Variants in PANK1 observed in about 807,000 individuals in gnomAD.
PANK1 encodes the protein pantothenic acid kinase 1.
PANK1 carries 18 observed loss-of-function variants against 40.1 expected under a neutral mutation model. That is an observed-to-expected ratio of 0.45 (90% CI 0.31 to 0.67). PANK1 has a LOEUF of 0.67. Ranked by LOEUF, PANK1 falls within the 30% of genes least tolerant of loss-of-function variation. PANK1 has a pLI of 0.06. For missense variants in PANK1, 457 were observed against 599.6 expected (o/e 0.76, Z 2.48); for synonymous variants, 242 against 237.7 (o/e 1.02, Z -0.17).
At chr10:89,587,738 G>T (rs1844246394) in intron 6 of PANK1, among the ~76,000 whole-genome samples, 1 of 152,088 alleles carries the variant, frequency 6.6e-6, no homozygotes, top group South Asian at 2.1e-4. Flanking sequence ...ATAATAAAAT[G>T]GTTGAAGAAA....
At chr10:89,619,272 G>T (rs1187060488) in intron 1 of PANK1, among the ~76,000 whole-genome samples, 6 of 152,092 alleles carry the variant, frequency 3.9e-5, no homozygotes, top group East Asian at 1.9e-4. Flanking sequence ...TTTCTTGAAG[G>T]CTTTTTCAGA....
intron 5 of PANK1, among the ~76,000 whole-genome samples, chr10:89,590,297 A>T (rs1844341056): frequency 6.6e-6 from 1 of 152,162 alleles, no homozygotes; most frequent in Non-Finnish European, 1.5e-5. Context: ...TAAATCAACA[A>T]GAAAAAAAGT....
chr10:89,616,616 C>T (rs905099645), intron 1 of PANK1, among the ~76,000 whole-genome samples: 33 of 151,682 alleles, frequency 2.2e-4, no homozygotes, highest in Admixed American at 1.1e-3. Context: ...GGCAGCAAAG[C>T]GAAAATCCAT....
intron 1 of PANK1, among the ~76,000 whole-genome samples, chr10:89,623,347 G>A (rs751366717): frequency 2.0e-5 from 3 of 151,932 alleles, no homozygotes; most frequent in African/African-American, 4.8e-5. Context: ...TTAGCCTCCC[G>A]AGTAGCTGGG....
intron 1 of PANK1, among the ~76,000 whole-genome samples, chr10:89,637,390 C>T (rs1841853284): frequency 6.6e-6 from 1 of 152,164 alleles, no homozygotes; most frequent in African/African-American, 2.4e-5. Context: ...ACTTACACAA[C>T]CCTAGACGCT....
At chr10:89,638,397 G>A (rs1841885589) in intron 1 of PANK1, among the ~76,000 whole-genome samples, 1 of 152,192 alleles carries the variant, frequency 6.6e-6, no homozygotes, top group Admixed American at 6.5e-5. Flanking sequence ...CTAATGAACA[G>A]CCTCTGGCTT....
chr10:89,594,074 G>T, intron 3 of PANK1, 85 bp from the exon 4 acceptor site: 1 of 929,070 alleles, frequency 1.1e-6, no homozygotes, highest in Non-Finnish European at 1.7e-6. Context: ...CTATTAATAT[G>T]GGTGAATAAA....
intron 3 of PANK1, among the ~76,000 whole-genome samples, chr10:89,595,655 A>G (rs554415760): frequency 1.9e-4 from 29 of 150,772 alleles, no homozygotes; most frequent in African/African-American, 7.1e-4. Flanking sequence ...CCCTGTCTCT[A>G]TTAAAAATAC....
Position 89,622,151 on chromosome 10 carries a change from C to T in PANK1, c.293-10103G>A, listed in dbSNP as rs558122744. Reference sequence around the variant, plus strand: ...TAATAGCATGAAACACAGTTGAAAACTTAATGACTATTTAAGGACCTTGAA... The same window carrying T: ...TAATAGCATGAAACACAGTTGAAAATTTAATGACTATTTAAGGACCTTGAA... On this transcript the variant is annotated intron_variant, in intron 1 of 6. Transcript: ENST00000307534. Among the ~76,000 whole-genome samples, 8 of 152,342 alleles carry T rather than the reference C, an allele frequency of 5.3e-5. No homozygotes were observed. In the East Asian group the frequency reaches 1.5e-3, roughly 29 times the overall value.
intron 3 of PANK1, among the ~76,000 whole-genome samples, chr10:89,595,441 C>G (rs910786508): frequency 6.6e-6 from 1 of 150,504 alleles, no homozygotes; most frequent in South Asian, 2.1e-4. Flanking sequence ...ACAGACACAG[C>G]GAGACTCCAT....
At chr10:89,589,088 G>A (rs1289956670) in intron 5 of PANK1, among the ~76,000 whole-genome samples, 9 of 152,084 alleles carry the variant, frequency 5.9e-5, no homozygotes, top group African/African-American at 2.2e-4. Context: ...ATTTTAACTG[G>A]AGTTCAAGTT....
chr10:89,630,172 T>C (rs1343889934), intron 1 of PANK1, among the ~76,000 whole-genome samples: 2 of 152,212 alleles, frequency 1.3e-5, no homozygotes, highest in African/African-American at 4.8e-5. Flanking sequence ...TGCAATCTGA[T>C]GTGGACAGAT....
At chr10:89,590,035 G>GAAAAAAAAAAAAA (rs11389233) in intron 5 of PANK1, among the ~76,000 whole-genome samples, 1 of 100,358 alleles carries the variant, frequency 1.0e-5, no homozygotes, top group Non-Finnish European at 2.2e-5. Context: ...TGTTAAAAAA[G>GAAAAAAAAAAAAA]AAAAAAAAAA....
intron 1 of PANK1, among the ~76,000 whole-genome samples, chr10:89,617,888 G>T (rs1416431241): frequency 6.6e-6 from 1 of 152,150 alleles, no homozygotes; most frequent in African/African-American, 2.4e-5. Context: ...CAAAGAAACT[G>T]CAATCTCACA....
chr10:89,624,020 A>G (rs922082584), intron 1 of PANK1, among the ~76,000 whole-genome samples: 1 of 152,248 alleles, frequency 6.6e-6, no homozygotes, highest in Non-Finnish European at 1.5e-5. Flanking sequence ...TTGTGTGACA[A>G]TAATCTTTCT....
chr10:89,611,548 T>C (rs1845152977), intron 2 of PANK1, 148 bp downstream of exon 2: 1 of 611,210 alleles, frequency 1.6e-6, no homozygotes, highest in Middle Eastern at 4.3e-4. Context: ...GTTTTTATTC[T>C]TGTATAGGTG....
chr10:89,600,225 T>C (rs965143439), intron 2 of PANK1, among the ~76,000 whole-genome samples: 1 of 152,160 alleles, frequency 6.6e-6, no homozygotes, highest in Non-Finnish European at 1.5e-5. Context: ...AAGAAAGAGG[T>C]GCTTACACAG....
At chr10:89,635,424 C>T (rs1452976930) in intron 1 of PANK1, among the ~76,000 whole-genome samples, 1 of 152,108 alleles carries the variant, frequency 6.6e-6, no homozygotes. Flanking sequence ...CAGCCTCAAA[C>T]CCTTTTATAA....
At chr10:89,613,921 G>T in intron 1 of PANK1, 1 of 455,054 alleles carries the variant, frequency 2.2e-6, no homozygotes, top group Non-Finnish European at 4.4e-6. Context: ...GCTCACTGTA[G>T]CTCCTTCTAC....
Sources: gnomAD v4.1 joint callset for allele counts (sites outside exome capture counted in the v4.1 genomes callset) on GRCh38, gnomAD v4.1.1 for gene constraint, MANE v1.5 for transcripts, NCBI Gene and HGNC (gene_info 2026-07-23, HGNC 2026-07-21) for gene names.